Variants in SPTLC1 observed in about 807,000 individuals in gnomAD.
The protein encoded by SPTLC1 is serine palmitoyltransferase 1.
A neutral mutation model predicts 68.9 loss-of-function variants in SPTLC1; 55 were observed. The observed-to-expected ratio is 0.80, with a 90% CI of 0.64 to 1.00. The LOEUF (loss-of-function observed/expected upper bound fraction) is 1.00. Among genes scored for constraint, SPTLC1 ranks in the 50% least tolerant of loss-of-function variants. The probability of loss-of-function intolerance (pLI) is 0.00; values close to 1 mark genes in which losing one functional copy is unlikely to be tolerated. For missense variants in SPTLC1, 449 were observed against 573.1 expected (o/e 0.78, Z 2.21); for synonymous variants, 197 against 201.6 (o/e 0.98, Z 0.19).
intron 3 of SPTLC1, among the ~76,000 whole-genome samples, chr9:92,098,682 A>C (rs1400907384): frequency 6.6e-6 from 1 of 151,254 alleles, no homozygotes; most frequent in African/African-American, 2.5e-5. Context: ...AAAATAAAAA[A>C]TTTTAAGATG....
intron 8 of SPTLC1, chr9:92,053,827 T>C: frequency 2.1e-6 from 1 of 470,292 alleles, no homozygotes; most frequent in East Asian, 1.5e-4. Context: ...GAAAAGGTTT[T>C]TGACCTAAAG....
rs779826197 is a variant in SPTLC1, at chr9:92,067,963, T to C, written c.560+3A>G. 2.5e-6 allele frequency: 4 copies of C among 1,613,958 alleles called. No individual in the cohort carries two copies. The East Asian group carries it at 6.7e-5, about 27-fold the overall frequency. On this transcript the variant is annotated splice_donor_region_variant and intron_variant, in intron 6 of 14. Transcript: ENST00000262554. ...ATTAGAAAACTACGTAAAGTTTACT[T>C]ACACAAAAACAATGTCCCCTCTTTT...
intron 5 of SPTLC1, among the ~76,000 whole-genome samples, chr9:92,072,769 G>C (rs10761143): frequency 0.042 from 6,306 of 151,922 alleles, 196 homozygotes; most frequent in Non-Finnish European, 0.055. Flanking sequence ...AGACAACTTC[G>C]GTTGCAAAAT....
chr9:92,050,095 T>A (rs1040747452), intron 8 of SPTLC1, 28 bp from the exon 9 acceptor site: 11 of 1,356,154 alleles, frequency 8.1e-6, no homozygotes, highest in Non-Finnish European at 1.2e-5. Context: ...GTTAAAATAC[T>A]AATGATTAGC....
At chr9:92,112,590 T>G (rs777222920) in intron 1 of SPTLC1, 28 bp from the exon 2 acceptor site, 2 of 1,432,312 alleles carry the variant, frequency 1.4e-6, no homozygotes, top group South Asian at 2.3e-5. Context: ...ACAAGTAAGA[T>G]ATGAAACATA....
chr9:92,105,299 C>G lies in SPTLC1; in HGVS notation c.260+3441G>C, dbSNP rs1220816043. 6.5e-6 allele frequency: 10 copies of G among 1,533,880 alleles called. No individual in the cohort carries two copies. In the East Asian group the frequency reaches 2.0e-4, roughly 30 times the overall value. On this transcript the variant is annotated intron_variant, in intron 3 of 14. Transcript: ENST00000262554. ...ATCTCCTGAGGCACTGTTGGTGGGTCAGGCTTCCCAAAGAGAAGGACGCCT... is the reference window on the plus strand; with the variant it reads ...ATCTCCTGAGGCACTGTTGGTGGGTGAGGCTTCCCAAAGAGAAGGACGCCT...
At chr9:92,104,871 A>T (rs1835899019) in intron 3 of SPTLC1, 1 of 1,532,812 alleles carries the variant, frequency 6.5e-7, no homozygotes, top group Admixed American at 2.0e-5. Context: ...CAGACTGACA[A>T]GGCCCAGGTG....
intron 3 of SPTLC1, chr9:92,105,277 T>C (rs1835916089): frequency 6.5e-7 from 1 of 1,534,210 alleles, no homozygotes; most frequent in Non-Finnish European, 8.7e-7. Flanking sequence ...CATGTCTATC[T>C]CCTGAGGCAC....
intron 13 of SPTLC1, among the ~76,000 whole-genome samples, chr9:92,037,746 A>G (rs1344398123): frequency 2.6e-5 from 4 of 152,208 alleles, no homozygotes; most frequent in African/African-American, 9.6e-5. Context: ...CAAATTAGGT[A>G]TGTTATAAAA....
Position 92,035,536 on chromosome 9 carries a change from GTTTC to G in SPTLC1, c.1255-657_1255-654del, listed in dbSNP as rs377709303. On this transcript the variant is annotated intron_variant, in intron 13 of 14. Coordinates refer to ENST00000262554, the MANE Select transcript of SPTLC1 (RefSeq NM_006415.4). ...CAGAGCAAGGTAATAGGCTACAGGG[GTTTC>G]TTTCTGGAGTGATGAAAAAGTTTTG... Among the ~76,000 whole-genome samples, 116 of 152,294 alleles carry G rather than the reference GTTTC, an allele frequency of 7.6e-4. No homozygotes were observed. The East Asian group carries it at 0.021, about 27-fold the overall frequency.
At chr9:92,036,139 T>C (rs1008086615) in intron 13 of SPTLC1, among the ~76,000 whole-genome samples, 2 of 152,190 alleles carry the variant, frequency 1.3e-5, no homozygotes, top group African/African-American at 4.8e-5. Context: ...GGAAGATATA[T>C]GTATTTTTTC....
intron 5 of SPTLC1, among the ~76,000 whole-genome samples, chr9:92,074,039 G>A (rs1173508974): frequency 2.0e-5 from 3 of 151,762 alleles, no homozygotes; most frequent in African/African-American, 4.8e-5. Context: ...GTACAAACCC[G>A]AAATGACCGA....
intron 3 of SPTLC1, among the ~76,000 whole-genome samples, chr9:92,098,767 G>A (rs970123454): frequency 3.9e-5 from 6 of 152,022 alleles, no homozygotes; most frequent in African/African-American, 1.5e-4. Context: ...TGTAAACCAA[G>A]AGACAGGAAA....
At chr9:92,035,124 G>A (rs1833101006) in intron 13 of SPTLC1, among the ~76,000 whole-genome samples, 1 of 152,234 alleles carries the variant, frequency 6.6e-6, no homozygotes, top group African/African-American at 2.4e-5. Flanking sequence ...TGTGCCTGCT[G>A]AGCACACGGA....
intron 3 of SPTLC1, among the ~76,000 whole-genome samples, chr9:92,102,707 A>G (rs180955515): frequency 6.6e-6 from 1 of 152,350 alleles, no homozygotes; most frequent in African/African-American, 2.4e-5. Context: ...TCAGTACAGA[A>G]ACTCACCAAA....
chr9:92,035,629 T>C (rs1833116005), intron 13 of SPTLC1, among the ~76,000 whole-genome samples: 2 of 152,090 alleles, frequency 1.3e-5, no homozygotes, highest in Admixed American at 1.3e-4. Flanking sequence ...CTTAACGATA[T>C]ACTTCAATAG....
intron 2 of SPTLC1, 123 bp downstream of exon 2, chr9:92,112,332 G>T: frequency 1.4e-6 from 1 of 705,982 alleles, no homozygotes; most frequent in Non-Finnish European, 2.5e-6. Flanking sequence ...CATTCCCCTT[G>T]ATTTCCTTAC....
At chr9:92,067,185 G>C (rs2118594387) in intron 6 of SPTLC1, among the ~76,000 whole-genome samples, 2 of 151,968 alleles carry the variant, frequency 1.3e-5, no homozygotes, top group South Asian at 4.1e-4. Flanking sequence ...TGTAATCCCA[G>C]CTACTCAGGA....
chr9:92,044,104 C>T (rs779527091), intron 12 of SPTLC1, among the ~76,000 whole-genome samples: 4 of 152,162 alleles, frequency 2.6e-5, no homozygotes, highest in Non-Finnish European at 4.4e-5. Context: ...GAGTAGGCAA[C>T]TGGGTGTGAG....
Sources: allele counts gnomAD v4.1 joint callset (sites outside exome capture counted in the v4.1 genomes callset), GRCh38; gene constraint gnomAD v4.1.1; transcripts MANE v1.5; gene names NCBI Gene and HGNC (gene_info 2026-07-23, HGNC 2026-07-21).